Variants in USH2A observed in about 807,000 individuals in gnomAD.
USH2A encodes the protein Usher syndrome 2A (autosomal recessive, mild).
USH2A carries 443 observed loss-of-function variants against 538.9 expected under a neutral mutation model. That is an observed-to-expected ratio of 0.82 (90% CI 0.76 to 0.89). The LOEUF is 0.89. Among genes scored for constraint, USH2A ranks in the 40% least tolerant of loss-of-function variants. The pLI is 0.00. For missense variants in USH2A, 6,633 were observed against 6,324.8 expected (o/e 1.05, Z -1.65); for synonymous variants, 2,413 against 2,273.5 (o/e 1.06, Z -1.75).
intron 4 of USH2A, among the ~76,000 whole-genome samples, chr1:216,336,014 T>A (rs1325755331): frequency 6.6e-6 from 1 of 151,300 alleles, no homozygotes; most frequent in Non-Finnish European, 1.5e-5. Flanking sequence ...GATGCAAAAG[T>A]CTTCAACAAA....
At chr1:215,652,163 C>T (rs566994525) in intron 64 of USH2A, among the ~76,000 whole-genome samples, 3 of 152,222 alleles carry the variant, frequency 2.0e-5, no homozygotes, top group East Asian at 1.9e-4. Context: ...TAAGGTGAGC[C>T]GAGAATGTAT....
At chr1:215,844,606 G>T in intron 45 of USH2A, 110 bp from the exon 46 acceptor site, 1 of 1,108,170 alleles carries the variant, frequency 9.0e-7, no homozygotes, top group Non-Finnish European at 1.3e-6. Context: ...TCGCTTATCT[G>T]CTTTTCGCTG....
chr1:215,896,451 T>C (rs1014621424), intron 40 of USH2A, among the ~76,000 whole-genome samples: 7 of 152,176 alleles, frequency 4.6e-5, no homozygotes, highest in African/African-American at 1.7e-4. Context: ...TCCTGGGAAA[T>C]CTTAAGAGAA....
chr1:216,040,048 TACACACACACAC>T lies in USH2A; in HGVS notation c.6325+6371_6325+6382del, dbSNP rs59691309. On this transcript the variant is annotated intron_variant, in intron 32 of 71. Transcript: ENST00000307340. ...TCTCTTTATTTTTCTGTCTCTCAAT[TACACACACACAC>T]ACACACACACACACACACACACACG... Among the ~76,000 whole-genome samples, 868 of 146,288 alleles carry T rather than the reference TACACACACACAC, an allele frequency of 5.9e-3. 5 individuals are homozygous for T. Among genetic ancestry groups the T allele is most frequent in the African/African-American group, 0.018 (701 of 39,948 alleles).
intron 61 of USH2A, among the ~76,000 whole-genome samples, chr1:215,722,635 A>C (rs1459109241): frequency 6.6e-6 from 1 of 152,174 alleles, no homozygotes; most frequent in Non-Finnish European, 1.5e-5. Context: ...GGCAACTAGA[A>C]TCTAGAAACT....
In USH2A at chr1:216,196,590, T is replaced by G. The variant is rs924804080; in HGVS notation, c.4214A>C (p.Gln1405Pro). The G allele has an allele frequency of 1.9e-6, 3 of 1,613,474 alleles. No homozygotes were observed. The highest frequency in any genetic ancestry group is 2.5e-6 in the Non-Finnish European group (3 of 1,179,678). Residue 1405 changes from glutamine to proline, a missense_variant, in exon 19 of 72, where the codon CAA (glutamine) becomes CCA (proline). Gln to Pro is a moderately conservative substitution (Grantham distance 76). Coordinates refer to ENST00000307340, the MANE Select transcript of USH2A (RefSeq NM_206933.4). ...CATGGGAATAGACTGTTGAGGTGAT[T>G]GTTCAGAAAGCATATTGATGTCATA... Reference protein sequence around the residue: ...VGYDINMLSEQSPQQSIPMAF... With the variant: ...VGYDINMLSEPSPQQSIPMAF...
intron 21 of USH2A, among the ~76,000 whole-genome samples, chr1:216,152,497 C>T (rs1445479479): frequency 1.3e-5 from 2 of 151,792 alleles, no homozygotes; most frequent in South Asian, 2.1e-4. Flanking sequence ...CCCCCACTCC[C>T]ACCCGCCAGA....
In USH2A at chr1:216,289,429, A is replaced by T; in HGVS notation, c.1841-19T>A. ...TTCCTTCCTGCATCAGGGAAAGGTT[A>T]TGCATTATGACTTCTAATTCATTAA... On this transcript the variant is annotated intron_variant, in intron 10 of 71. Coordinates refer to ENST00000307340, the MANE Select transcript of USH2A (RefSeq NM_206933.4). The T allele has an allele frequency of 1.2e-6, 2 of 1,613,692 alleles. No individual in the cohort carries two copies. Among genetic ancestry groups the T allele is most frequent in the South Asian group, 2.2e-5 (2 of 91,080 alleles).
chr1:216,313,731 T>A (rs1320053476), intron 9 of USH2A, among the ~76,000 whole-genome samples: 5 of 148,622 alleles, frequency 3.4e-5, no homozygotes, highest in African/African-American at 1.2e-4. Context: ...GATATATATA[T>A]CTGTAAACTA....
At chr1:215,687,236 A>G (rs1292460208) in intron 61 of USH2A, among the ~76,000 whole-genome samples, 1 of 152,142 alleles carries the variant, frequency 6.6e-6, no homozygotes, top group African/African-American at 2.4e-5. Context: ...CAATTGTTAT[A>G]ACAATTGTAA....
intron 38 of USH2A, among the ~76,000 whole-genome samples, chr1:215,910,726 C>A (rs75093710): frequency 0.1 from 15,317 of 151,798 alleles, 1,191 homozygotes; most frequent in African/African-American, 0.21. Context: ...TTAAGTATCA[C>A]TAAGTCATTT....
At position 215,671,126 on chromosome 1, in the gene USH2A, G is replaced by T. The variant is rs761367363; in HGVS notation, c.13979C>A (p.Pro4660Gln). 3 of 1,613,858 alleles carry T rather than the reference G, an allele frequency of 1.9e-6. No individual in the cohort carries two copies. Among genetic ancestry groups the T allele is most frequent in the South Asian group, 1.1e-5 (1 of 91,066 alleles). ...CAAAACTTTTCCATTTGGCTGCAGC[G>T]GTCCTGTCCACAAAAGAGAAACAGT... ...QPTVSLLWTGPLQPNGKVLYY... is the reference protein window; with the variant it reads ...QPTVSLLWTGQLQPNGKVLYY... Residue 4660 changes from proline to glutamine, a missense_variant, in exon 64 of 72, where the codon CCG (proline) becomes CAG (glutamine). Physicochemically the swap from Pro to Gln is moderately conservative, Grantham distance 76. Coordinates refer to ENST00000307340, the MANE Select transcript of USH2A (RefSeq NM_206933.4).
intron 32 of USH2A, among the ~76,000 whole-genome samples, chr1:216,003,081 T>C (rs957439734): frequency 7.2e-5 from 11 of 152,048 alleles, no homozygotes; most frequent in African/African-American, 2.2e-4. Context: ...GATTCTTCCA[T>C]GGAGTGGGAA....
chr1:215,995,324 A>G (rs1255961367), intron 34 of USH2A, among the ~76,000 whole-genome samples: 2 of 152,238 alleles, frequency 1.3e-5, no homozygotes, highest in African/African-American at 4.8e-5. Flanking sequence ...GGCATTTATG[A>G]AAGCATTTTT....
chr1:216,306,721 C>G (rs1447015772), intron 9 of USH2A, among the ~76,000 whole-genome samples: 1 of 152,076 alleles, frequency 6.6e-6, no homozygotes, highest in Non-Finnish European at 1.5e-5. Flanking sequence ...TGGGTGTTCC[C>G]TAGATGTGGG....
intron 3 of USH2A, among the ~76,000 whole-genome samples, chr1:216,412,389 G>C (rs753818279): frequency 3.3e-5 from 5 of 152,004 alleles, no homozygotes; most frequent in Middle Eastern, 3.2e-3. Context: ...ATTGTAATAA[G>C]GGTTGATTCT....
At chr1:215,977,853 T>C (rs1414365848) in intron 35 of USH2A, among the ~76,000 whole-genome samples, 2 of 152,120 alleles carry the variant, frequency 1.3e-5, no homozygotes, top group African/African-American at 2.4e-5. Flanking sequence ...AGGCCAAGCA[T>C]GGTGGCTCAT....
intron 43 of USH2A, among the ~76,000 whole-genome samples, chr1:215,870,327 G>A (rs750240142): frequency 5.4e-5 from 8 of 149,512 alleles, no homozygotes; most frequent in Non-Finnish European, 1.0e-4. Context: ...ACGGAGTCTC[G>A]CTCTGTGCCC....
At chr1:215,779,755 A>G in intron 55 of USH2A, 88 bp downstream of exon 55, 1 of 1,510,656 alleles carries the variant, frequency 6.6e-7, no homozygotes, top group Non-Finnish European at 9.0e-7. Context: ...GACCTCATAT[A>G]TCAAACACAC....
Sources: gnomAD v4.1 joint callset for allele counts (sites outside exome capture counted in the v4.1 genomes callset) on GRCh38, gnomAD v4.1.1 for gene constraint, MANE v1.5 for transcripts, NCBI Gene and HGNC (gene_info 2026-07-23, HGNC 2026-07-21) for gene names.